The following DPP6 variants were observed in gnomAD, a reference collection of about 807,000 sequenced individuals.
DPP6 encodes the protein A-type potassium channel modulatory protein DPP6.
In DPP6, 69 loss-of-function variants were observed where a neutral mutation model predicts 122.6. That is an observed-to-expected ratio of 0.56 (90% CI 0.46 to 0.69). The LOEUF (loss-of-function observed/expected upper bound fraction) is 0.69, where lower values mean the gene tolerates loss of function less well. Ranked by LOEUF, DPP6 falls within the 30% of genes least tolerant of loss-of-function variation. DPP6 has a pLI of 0.00. For missense variants in DPP6, 928 were observed against 1,116.9 expected (o/e 0.83, Z 2.41); for synonymous variants, 418 against 433.1 (o/e 0.97, Z 0.43).
upstream of DPP6, among the ~76,000 whole-genome samples, chr7:154,050,302 A>G (rs527622221): frequency 1.2e-3 from 188 of 152,362 alleles, no homozygotes; most frequent in African/African-American, 4.4e-3. Flanking sequence ...TATAGTTTTT[A>G]AAAGTGGCAC....
In DPP6 at chr7:154,870,252, G is replaced by A. The variant is rs563621970; in HGVS notation, c.1813+2159G>A. Among the ~76,000 whole-genome samples the A allele has an allele frequency of 1.5e-4, 23 of 151,350 alleles. No homozygotes were observed. The East Asian group carries it at 4.5e-3, about 30-fold the overall frequency. ...CTGCCTCAGTCCCCCAAAGTGCCAG[G>A]ATTATAGGTGTCAGCCATCATGCCC... is the stretch of plus-strand genomic sequence containing the variant. On this transcript the variant is annotated intron_variant, in intron 18 of 25. Coordinates refer to ENST00000377770, the MANE Select transcript of DPP6 (RefSeq NM_130797.4).
rs1294092796 is a variant in DPP6 at position 154,149,301 on chromosome 7, A to G, written c.243+96238A>G. 3.3e-5 allele frequency among the ~76,000 whole-genome samples: 5 copies of G among 152,394 alleles called. No individual in the cohort carries two copies. In the East Asian group the frequency reaches 7.7e-4, roughly 24 times the overall value. ...CAAGCACCTAGCGAAGCCCTCCAGG[A>G]TGCTTGGCTCTGGGCCTGTTGTTTC... On this transcript the variant is annotated intron_variant, in intron 1 of 25. Transcript: ENST00000377770.
intron 3 of DPP6, among the ~76,000 whole-genome samples, chr7:154,539,398 C>T (rs774134936): frequency 5.3e-5 from 8 of 152,074 alleles, no homozygotes; most frequent in Middle Eastern, 3.4e-3. Context: ...TCTTGGTGTA[C>T]GCATGTTCTC....
At chr7:154,021,130 T>G (rs904497469) in intron 1 of DPP6, among the ~76,000 whole-genome samples, 2 of 152,122 alleles carry the variant, frequency 1.3e-5, no homozygotes, top group South Asian at 4.2e-4. Context: ...ACCCATCCCA[T>G]CATCAGCGGT....
chr7:154,564,497 C>T (rs1449904133), intron 4 of DPP6, among the ~76,000 whole-genome samples: 1 of 152,148 alleles, frequency 6.6e-6, no homozygotes, highest in Non-Finnish European at 1.5e-5. Flanking sequence ...AGTGGGAGTG[C>T]ACATTCCAAA....
At chr7:154,191,224 C>A (rs1416837758) in intron 1 of DPP6, among the ~76,000 whole-genome samples, 3 of 152,190 alleles carry the variant, frequency 2.0e-5, no homozygotes, top group African/African-American at 7.2e-5. Flanking sequence ...GAAATACAAA[C>A]ATACTTGTAA....
intron 16 of DPP6, among the ~76,000 whole-genome samples, chr7:154,850,942 G>A (rs938558944): frequency 6.6e-6 from 1 of 152,160 alleles, no homozygotes; most frequent in African/African-American, 2.4e-5. Flanking sequence ...TTAAGATTTT[G>A]TAAAGCTTGC....
chr7:154,666,198 TATACAC>T (rs1838147465), intron 6 of DPP6, among the ~76,000 whole-genome samples: 1 of 131,722 alleles, frequency 7.6e-6, no homozygotes, highest in African/African-American at 3.0e-5. Context: ...TATATATATA[TATACAC>T]ATATACATAC....
At chr7:154,884,591 G>A (rs1031846668) in intron 21 of DPP6, 4 of 146,812 alleles carry the variant, frequency 2.7e-5, no homozygotes, top group Non-Finnish European at 4.5e-5. Flanking sequence ...ACATACACAT[G>A]CTCATACATA....
intron 1 of DPP6, among the ~76,000 whole-genome samples, chr7:154,275,499 A>G (rs1804068962): frequency 6.6e-6 from 1 of 152,194 alleles, no homozygotes; most frequent in African/African-American, 2.4e-5. Context: ...TTTTTTCCAA[A>G]CAGAGTTTAA....
chr7:154,867,771 G>T lies in DPP6; in HGVS notation c.1715-224G>T, dbSNP rs543110167. On this transcript the variant is annotated intron_variant, in intron 17 of 25. Transcript: ENST00000377770. The stretch of plus-strand genomic sequence containing the variant: ...AGGAGAAAGCCTAAGACGGTGGGGA[G>T]AATCTTTAATCCACCCAAATTCCAG... Among the ~76,000 whole-genome samples, 14 of 152,312 alleles carry T rather than the reference G, an allele frequency of 9.2e-5. No homozygotes were observed. In the South Asian group the frequency reaches 2.5e-3, roughly 27 times the overall value.
At chr7:154,172,726 G>A (rs1037654477) in intron 1 of DPP6, among the ~76,000 whole-genome samples, 2 of 150,194 alleles carry the variant, frequency 1.3e-5, no homozygotes, top group African/African-American at 4.9e-5. Context: ...TCAGCCTCCC[G>A]AGTAGCTGGG....
chr7:154,725,969 G>T (rs146429966), intron 7 of DPP6, among the ~76,000 whole-genome samples: 2 of 152,210 alleles, frequency 1.3e-5, no homozygotes, highest in African/African-American at 4.8e-5. Flanking sequence ...GCAGTCATTA[G>T]ATCTTAAAGC....
At chr7:154,358,987 T>A (rs1427557547) in intron 1 of DPP6, among the ~76,000 whole-genome samples, 4 of 152,204 alleles carry the variant, frequency 2.6e-5, no homozygotes, top group Admixed American at 2.6e-4. Flanking sequence ...ATTACAGGCG[T>A]GAGACACTGC....
At chr7:154,454,717 G>C (rs1351140107) in intron 2 of DPP6, among the ~76,000 whole-genome samples, 2 of 152,166 alleles carry the variant, frequency 1.3e-5, no homozygotes, top group Non-Finnish European at 2.9e-5. Flanking sequence ...GTTTACACCA[G>C]TGTCCTAACC....
chr7:154,669,537 GT>G (rs1838418039), intron 7 of DPP6, 96 bp downstream of exon 7: 2 of 1,362,804 alleles, frequency 1.5e-6, no homozygotes, highest in East Asian at 2.8e-5. Flanking sequence ...TGTACATGGT[GT>G]TGTGTGTGTG....
rs567787140 is a variant in DPP6 at position 153,967,625 on chromosome 7, A to G, written c.51+79891A>G. ...TCAGCTGTTACAAAGCTCGTGTCCA[A>G]CCTAACATCAGTGTCTCTCTCTGAT... On this transcript the variant is annotated intron_variant, in intron 1 of 25. Coordinates refer to the DPP6 transcript ENST00000404039. 2.3e-4 allele frequency among the ~76,000 whole-genome samples: 35 copies of G among 152,166 alleles called. No homozygotes were observed. In the South Asian group the frequency reaches 7.1e-3, roughly 31 times the overall value.
chr7:154,324,931 G>A (rs1187523071), intron 1 of DPP6, among the ~76,000 whole-genome samples: 4 of 135,496 alleles, frequency 3.0e-5, no homozygotes, highest in African/African-American at 1.1e-4. Context: ...CACCATCTTG[G>A]CTCACTGCAA....
At chr7:154,582,278 C>T (rs1015970404) in intron 5 of DPP6, among the ~76,000 whole-genome samples, 2 of 152,174 alleles carry the variant, frequency 1.3e-5, no homozygotes, top group Non-Finnish European at 2.9e-5. Flanking sequence ...TGGTTAGCCA[C>T]GGGCATGTCC....
Sources: allele counts gnomAD v4.1 joint callset (sites outside exome capture counted in the v4.1 genomes callset), GRCh38; gene constraint gnomAD v4.1.1; transcripts MANE v1.5; gene names NCBI Gene and HGNC (gene_info 2026-07-23, HGNC 2026-07-21).